LRBA: variants seen among roughly 807,000 people sequenced by gnomAD.
The protein encoded by LRBA is LPS responsive beige-like anchor protein, also known as lipopolysaccharide-responsive and beige-like anchor protein.
Under a neutral mutation model 330.0 loss-of-function variants are expected in LRBA, and 176 were observed. That is an observed-to-expected ratio of 0.53 (90% CI 0.47 to 0.60). The LOEUF (loss-of-function observed/expected upper bound fraction) is 0.60, where lower values mean the gene tolerates loss of function less well. Ranked by LOEUF, LRBA falls within the 20% of genes least tolerant of loss-of-function variation. The pLI, the probability that LRBA is intolerant of heterozygous loss-of-function variation, is 0.00. For missense variants in LRBA, 3,259 were observed against 3,444.8 expected (o/e 0.95, Z 1.35); for synonymous variants, 1,230 against 1,193.0 (o/e 1.03, Z -0.64).
rs371642148 is a variant in LRBA at position 150,517,583 on chromosome 4, A to C, written c.6331-26548T>G. 1.2e-4 allele frequency among the ~76,000 whole-genome samples: 19 copies of C among 152,306 alleles called. No individual in the cohort carries two copies. In the South Asian group the frequency reaches 2.5e-3, roughly 20 times the overall value. Reference sequence around the variant, plus strand: ...ATGATGGGGGCAAGAGGAGAAAGCCAAGACAAAGAAAAACAGGATGCATAA... The same window carrying C: ...ATGATGGGGGCAAGAGGAGAAAGCCCAGACAAAGAAAAACAGGATGCATAA... On this transcript the variant is annotated intron_variant, in intron 40 of 56. Coordinates refer to ENST00000651943, the MANE Select transcript of LRBA (RefSeq NM_001364905.1).
intron 49 of LRBA, among the ~76,000 whole-genome samples, chr4:150,322,416 G>A (rs1732639140): frequency 6.6e-6 from 1 of 152,098 alleles, no homozygotes; most frequent in African/African-American, 2.4e-5. Flanking sequence ...TACCATGTCT[G>A]TTTTCTAATA....
rs1328220221 is a variant in LRBA, at chr4:151,014,700, G to A, written c.-58C>T. ...ACCCTGGGACGGCAGTCGCTGCACT[G>A]GTAATGAGCACAACACACGCAATGC... On this transcript the variant is annotated 5_prime_UTR_variant, in exon 2 of 57. Coordinates refer to ENST00000651943, the MANE Select transcript of LRBA (RefSeq NM_001364905.1). The A allele has an allele frequency of 1.5e-5, 18 of 1,161,750 alleles. No homozygotes were observed. In the East Asian group the frequency reaches 4.0e-4, roughly 26 times the overall value. The allele number at this position is 1,161,750 out of a possible 1,614,324, so 72.0% of individuals were successfully genotyped here.
intron 54 of LRBA, among the ~76,000 whole-genome samples, chr4:150,284,644 A>G (rs1432141892): frequency 6.6e-6 from 1 of 152,018 alleles, no homozygotes; most frequent in Non-Finnish European, 1.5e-5. Flanking sequence ...CTCCCATCTC[A>G]CCTTCCCAAG....
In LRBA at chr4:150,436,871, A is replaced by G. The variant is rs1258021777; in HGVS notation, c.6781-7T>C. ...GGTTCAGAGCTCCTATTGGCTGCCA[A>G]TAGGGAGGGAAAAAACAAAGAATAC... On this transcript the variant is annotated splice_region_variant and splice_polypyrimidine_tract_variant and intron_variant, in intron 44 of 56. Transcript: ENST00000651943. The G allele has an allele frequency of 1.2e-6, 2 of 1,613,128 alleles. No homozygotes were observed. Among genetic ancestry groups the G allele is most frequent in the Non-Finnish European group, 1.7e-6 (2 of 1,179,460 alleles).
intron 40 of LRBA, among the ~76,000 whole-genome samples, chr4:150,512,991 G>C (rs1238316611): frequency 6.6e-6 from 1 of 152,206 alleles, no homozygotes; most frequent in Non-Finnish European, 1.5e-5. Flanking sequence ...CATAGGCTAT[G>C]TTAAGTATAG....
At chr4:150,836,029 A>G (rs1393991463) in intron 28 of LRBA, among the ~76,000 whole-genome samples, 1 of 152,122 alleles carries the variant, frequency 6.6e-6, no homozygotes, top group Non-Finnish European at 1.5e-5. Context: ...GAATTTTGTC[A>G]ATGGCCTTTT....
intron 22 of LRBA, among the ~76,000 whole-genome samples, chr4:150,859,755 G>A (rs1308715465): frequency 6.6e-6 from 1 of 152,190 alleles, no homozygotes; most frequent in East Asian, 1.9e-4. Flanking sequence ...GTATCCTGAT[G>A]TAACTCTGCA....
intron 30 of LRBA, among the ~76,000 whole-genome samples, chr4:150,820,634 A>G (rs955792998): frequency 3.9e-5 from 6 of 152,052 alleles, no homozygotes; most frequent in African/African-American, 1.4e-4. Context: ...AGGAATTAAC[A>G]TAACATTGCT....
chr4:150,989,399 G>T (rs1290268818), intron 2 of LRBA, among the ~76,000 whole-genome samples: 1 of 152,110 alleles, frequency 6.6e-6, no homozygotes, highest in East Asian at 1.9e-4. Context: ...CAGATCACGA[G>T]GTCAGGTGTT....
chr4:150,887,791 GA>G (rs1275812244), intron 17 of LRBA, among the ~76,000 whole-genome samples: 37 of 133,434 alleles, frequency 2.8e-4, no homozygotes, highest in Non-Finnish European at 4.1e-4. Context: ...AAAAAAGAAA[GA>G]AAAAAAAAAG....
intron 47 of LRBA, among the ~76,000 whole-genome samples, chr4:150,356,129 G>T (rs1427001119): frequency 1.3e-5 from 2 of 151,838 alleles, no homozygotes; most frequent in Non-Finnish European, 1.5e-5. Context: ...ATGATATAAA[G>T]TCCTTTCAAC....
chr4:150,513,203 C>T (rs909847751), intron 40 of LRBA, among the ~76,000 whole-genome samples: 2 of 152,164 alleles, frequency 1.3e-5, no homozygotes, highest in Admixed American at 1.3e-4. Context: ...TGCTGGGTCT[C>T]TCATATTTCT....
At chr4:150,468,549 T>G (rs1302349211) in intron 43 of LRBA, among the ~76,000 whole-genome samples, 1 of 152,074 alleles carries the variant, frequency 6.6e-6, no homozygotes, top group Admixed American at 6.6e-5. Flanking sequence ...GGTAGCATAG[T>G]GGGTGAGATC....
chr4:150,764,125 G>C (rs149744529), intron 34 of LRBA, among the ~76,000 whole-genome samples: 1 of 151,930 alleles, frequency 6.6e-6, no homozygotes, highest in East Asian at 1.9e-4. Context: ...CTTAGTTAAA[G>C]AAGAAAATGA....
intron 52 of LRBA, among the ~76,000 whole-genome samples, chr4:150,303,814 C>A (rs1008159588): frequency 1.3e-5 from 2 of 152,088 alleles, no homozygotes; most frequent in African/African-American, 2.4e-5. Flanking sequence ...ACCTTGTAAT[C>A]CACCCGCCTG....
At position 150,321,329 on chromosome 4, in the gene LRBA, T is replaced by A. The variant is rs781277906; in HGVS notation, c.7492A>T (p.Ile2498Phe). 1 of 1,606,170 alleles carries A rather than the reference T, an allele frequency of 6.2e-7. No homozygotes were observed. Among genetic ancestry groups the A allele is most frequent in the Admixed American group, 1.7e-5 (1 of 57,842 alleles). Residue 2498 changes from isoleucine (I) to phenylalanine (F), a missense_variant, in exon 50 of 57, where the codon ATC becomes TTC. By Grantham distance (21) the Ile-to-Phe change is conservative. Coordinates refer to ENST00000651943, the MANE Select transcript of LRBA (RefSeq NM_001364905.1). This position sits in a 1 kb window ranked among gnomAD's most constrained non-coding sequence, Gnocchi z 4.5. The part of the protein sequence containing the change: ...MFTDKAQQDV[I>F]MVLKFPSNSP... ...TTGGAGGGAAACTTGAGGACCATGATAACATCCTGCTGGGCTTTGTCTGTG... is the reference window on the plus strand; with the variant it reads ...TTGGAGGGAAACTTGAGGACCATGAAAACATCCTGCTGGGCTTTGTCTGTG...
intron 35 of LRBA, among the ~76,000 whole-genome samples, chr4:150,736,087 G>A (rs1398869788): frequency 2.0e-5 from 3 of 152,164 alleles, no homozygotes; most frequent in Non-Finnish European, 4.4e-5. Flanking sequence ...TACACACTAG[G>A]AGAAGGCAAA....
intron 40 of LRBA, among the ~76,000 whole-genome samples, chr4:150,572,731 T>C (rs571503922): frequency 2.6e-5 from 4 of 152,214 alleles, no homozygotes; most frequent in South Asian, 4.1e-4. Flanking sequence ...CAGTTAAAGG[T>C]TGGGCGATTT....
chr4:150,461,083 A>C (rs890162789), intron 44 of LRBA, among the ~76,000 whole-genome samples: 1 of 151,860 alleles, frequency 6.6e-6, no homozygotes, highest in Non-Finnish European at 1.5e-5. Flanking sequence ...TAATCAAAAA[A>C]GGCTGGAGCA....
Sources: gnomAD v4.1 joint callset for allele counts (sites outside exome capture counted in the v4.1 genomes callset) on GRCh38, gnomAD v4.1.1 for gene constraint, Gnocchi (gnomAD v3.1) non-coding constraint, MANE v1.5 for transcripts, NCBI Gene and HGNC (gene_info 2026-07-23, HGNC 2026-07-21) for gene names.